The following KALRN variants were observed in gnomAD, a reference collection of about 807,000 sequenced individuals.
KALRN encodes kalirin RhoGEF kinase.
Under a neutral mutation model 353.7 loss-of-function variants are expected in KALRN, and 70 were observed. The ratio of observed to expected loss-of-function variants is 0.20; its 90% CI spans 0.16 to 0.24. KALRN has a LOEUF of 0.24. Ranked by LOEUF, KALRN falls within the 10% of genes least tolerant of loss-of-function variation. KALRN has a pLI of 1.00. For missense variants in KALRN, 2,791 were observed against 3,756.7 expected (o/e 0.74, Z 6.72); for synonymous variants, 1,391 against 1,434.8 (o/e 0.97, Z 0.69).
chr3:124,264,806 AT>A, intron 4 of KALRN, 116 bp downstream of exon 4: 2 of 905,354 alleles, frequency 2.2e-6, no homozygotes, highest in Non-Finnish European at 1.7e-6. Flanking sequence ...AAGGGCTGAG[AT>A]TTCAGGATTC....
intron 36 of KALRN, among the ~76,000 whole-genome samples, chr3:124,635,385 A>C (rs2081251274): frequency 6.6e-6 from 1 of 152,198 alleles, no homozygotes; most frequent in Non-Finnish European, 1.5e-5. Flanking sequence ...CAGCTTGTTT[A>C]CAGAAATGGA....
At chr3:124,085,871 A>C (rs2060790497) in intron 1 of KALRN, among the ~76,000 whole-genome samples, 1 of 152,204 alleles carries the variant, frequency 6.6e-6, no homozygotes, top group Admixed American at 6.5e-5. Flanking sequence ...GAACTCTTCT[A>C]GGCATAGTGA....
intron 51 of KALRN, 60 bp from the exon 52 acceptor site, chr3:124,693,744 C>T: frequency 1.7e-6 from 2 of 1,158,528 alleles, no homozygotes; most frequent in Non-Finnish European, 1.3e-6. Flanking sequence ...CGGTGAAGTC[C>T]CTTGTTCTCT....
At position 124,165,084 on chromosome 3, in the gene KALRN, G is replaced by A. The variant is rs866866909; in HGVS notation, c.74-62906G>A. On this transcript the variant is annotated intron_variant, in intron 1 of 59. Transcript: ENST00000682506. ...TCGTAAACTGAGGAGCCAGAGGTCA[G>A]GAGGAATGGAAACTTGTTATTCCTT... is the stretch of plus-strand genomic sequence containing the variant. Among the ~76,000 whole-genome samples the A allele has an allele frequency of 2.6e-5, 4 of 152,292 alleles. No individual in the cohort carries two copies. In the Middle Eastern group the frequency reaches 0.01, roughly 389 times the overall value.
At chr3:124,400,493 ATATTTAT>A (rs1029074018) in intron 13 of KALRN, among the ~76,000 whole-genome samples, 1 of 152,194 alleles carries the variant, frequency 6.6e-6, no homozygotes, top group Non-Finnish European at 1.5e-5. Context: ...GAATTTATTT[ATATTTAT>A]TATTTATTTT....
intron 36 of KALRN, among the ~76,000 whole-genome samples, chr3:124,635,540 C>T (rs2081267932): frequency 6.6e-6 from 1 of 152,090 alleles, no homozygotes; most frequent in South Asian, 2.1e-4. Context: ...TGTTTGATTT[C>T]TGTATGTTTT....
chr3:124,495,050 C>A (rs552153596), intron 32 of KALRN, among the ~76,000 whole-genome samples: 1 of 152,272 alleles, frequency 6.6e-6, no homozygotes, highest in South Asian at 2.1e-4. Flanking sequence ...TGGCTGTGGG[C>A]TTGGTACAGG....
intron 10 of KALRN, among the ~76,000 whole-genome samples, chr3:124,353,695 G>A (rs947095209): frequency 2.6e-5 from 4 of 151,852 alleles, no homozygotes; most frequent in African/African-American, 9.7e-5. Flanking sequence ...AGGTGGGAGA[G>A]CTTAAATAGA....
intron 37 of KALRN, among the ~76,000 whole-genome samples, chr3:124,648,813 T>C (rs954666650): frequency 6.6e-6 from 1 of 152,202 alleles, no homozygotes; most frequent in Non-Finnish European, 1.5e-5. Context: ...AGACATGTCA[T>C]TGGAATGCCT....
chr3:124,543,304 C>CTT (rs869114594), intron 33 of KALRN, among the ~76,000 whole-genome samples: 7 of 141,958 alleles, frequency 4.9e-5, no homozygotes, highest in Non-Finnish European at 9.3e-5. Flanking sequence ...AATTTACGGA[C>CTT]TTTTTTTTTT....
At chr3:124,386,537 G>A (rs921979770) in intron 11 of KALRN, among the ~76,000 whole-genome samples, 7 of 152,106 alleles carry the variant, frequency 4.6e-5, no homozygotes, top group Admixed American at 6.5e-5. Context: ...AGTAGGCTGG[G>A]ATTCTAGACC....
At chr3:124,064,489 C>G (rs1018111515) in intron 1 of KALRN, among the ~76,000 whole-genome samples, 1 of 152,300 alleles carries the variant, frequency 6.6e-6, no homozygotes. Context: ...TTCCACTTCT[C>G]TCTTCCTTGT....
At chr3:124,655,399 C>A (rs1269935321) in intron 38 of KALRN, among the ~76,000 whole-genome samples, 1 of 152,214 alleles carries the variant, frequency 6.6e-6, no homozygotes, top group Non-Finnish European at 1.5e-5. Context: ...TGGGGAAGTC[C>A]TTTCTGGCCT....
At chr3:124,166,900 C>T (rs565763131) in intron 1 of KALRN, among the ~76,000 whole-genome samples, 10 of 152,004 alleles carry the variant, frequency 6.6e-5, no homozygotes, top group Non-Finnish European at 1.0e-4. Context: ...ACAAAATTAG[C>T]CAGTCCTGGT....
At chr3:124,128,293 A>G in intron 1 of KALRN, among the ~76,000 whole-genome samples, 1 of 152,204 alleles carries the variant, frequency 6.6e-6, no homozygotes, top group East Asian at 1.9e-4. Flanking sequence ...TGAGACATTG[A>G]TGCTTTCAAC....
chr3:124,344,219 A>C (rs1020207895), intron 9 of KALRN, among the ~76,000 whole-genome samples: 3 of 152,240 alleles, frequency 2.0e-5, no homozygotes, highest in Non-Finnish European at 4.4e-5. Flanking sequence ...TTCTTTAACC[A>C]TTGATGTTCA....
At chr3:124,207,756 AT>A (rs2076538135) in intron 1 of KALRN, among the ~76,000 whole-genome samples, 1 of 152,264 alleles carries the variant, frequency 6.6e-6, no homozygotes, top group Admixed American at 6.5e-5. Flanking sequence ...GAATTAAGCA[AT>A]ATAGATATGC....
chr3:124,285,957 G>A (rs2075791291), intron 5 of KALRN, among the ~76,000 whole-genome samples: 2 of 152,084 alleles, frequency 1.3e-5, no homozygotes, highest in African/African-American at 4.8e-5. Context: ...CATCACAGAA[G>A]GTTGTATTGG....
intron 10 of KALRN, among the ~76,000 whole-genome samples, chr3:124,357,480 A>T (rs1204924515): frequency 6.6e-6 from 1 of 152,076 alleles, no homozygotes. Context: ...TTTACCTTTT[A>T]CCCCTCCTGT....
Sources: allele counts gnomAD v4.1 joint callset (sites outside exome capture counted in the v4.1 genomes callset), GRCh38; gene constraint gnomAD v4.1.1; transcripts MANE v1.5; gene names NCBI Gene and HGNC (gene_info 2026-07-23, HGNC 2026-07-21).